DNAH14: variants seen among roughly 807,000 people sequenced by gnomAD.
DNAH14 encodes axonemal beta dynein heavy chain 14.
A neutral mutation model predicts 520.9 loss-of-function variants in DNAH14; 478 were observed. That is an observed-to-expected ratio of 0.92 (90% CI 0.85 to 0.99). The LOEUF is 0.99. Ranked by LOEUF, DNAH14 falls within the 50% of genes least tolerant of loss-of-function variation. The probability of loss-of-function intolerance (pLI) is 0.00; values close to 1 mark genes in which losing one functional copy is unlikely to be tolerated. For missense variants in DNAH14, 4,831 were observed against 5,234.5 expected (o/e 0.92, Z 2.38); for synonymous variants, 1,581 against 1,757.2 (o/e 0.90, Z 2.51).
rs528193259 is a variant in DNAH14, at chr1:225,271,813, T to C, written c.7672-93T>C. ...ATTTAATGAAATTAATCCTCCATTA[T>C]AGTACACAAGTCCGCTTTTTAGTGG... On this transcript the variant is annotated intron_variant, in intron 50 of 85. Coordinates refer to ENST00000682510, the MANE Select transcript of DNAH14 (RefSeq NM_001367479.1). 1.2e-5 allele frequency: 11 copies of C among 916,800 alleles called. No homozygotes were observed. In the African/African-American group the frequency reaches 1.9e-4, roughly 15 times the overall value. 56.8% of individuals were successfully genotyped at this position (916,800 alleles called of 1,614,324 possible). A position where few individuals can be genotyped will look rare whatever the true frequency, so the allele number is the denominator to read the frequency against.
intron 84 of DNAH14, among the ~76,000 whole-genome samples, chr1:225,393,959 C>CA (rs1357178498): frequency 2.0e-5 from 3 of 151,974 alleles, no homozygotes; most frequent in Admixed American, 6.6e-5. Flanking sequence ...GCTGGGACTA[C>CA]AGGCGCCCAC....
chr1:224,936,444 G>C (rs1380622109), intron 1 of DNAH14, among the ~76,000 whole-genome samples: 1 of 151,602 alleles, frequency 6.6e-6, no homozygotes, highest in Admixed American at 6.6e-5. Context: ...GAATAACTGT[G>C]TGCCAAAAAA....
rs1007160529 is a variant in DNAH14, at chr1:225,050,320, A to C, written c.2023A>C (p.Thr675Pro). 163 of 1,548,488 alleles carry C rather than the reference A, an allele frequency of 1.1e-4. No individual in the cohort carries two copies. Among genetic ancestry groups the C allele is most frequent in the Non-Finnish European group, 1.4e-4 (158 of 1,146,032 alleles). The change falls in exon 16 of 86, where the codon ACC becomes CCC. Residue 675 changes from threonine to proline, a missense_variant. By Grantham distance (38) the Thr-to-Pro change is conservative. Transcript: ENST00000682510. ...TGSIIHYKEQ[T>P]RWPDCHILFE... is the part of the protein sequence containing the mutation. ...AAGCATAATACATTATAAAGAGCAG[A>C]CCAGATGGCCAGATTGTCACATCCT...
chr1:224,986,386 C>T (rs943424786), intron 8 of DNAH14, among the ~76,000 whole-genome samples: 1 of 149,088 alleles, frequency 6.7e-6, no homozygotes, highest in Admixed American at 6.7e-5. Context: ...CAAAAATCCT[C>T]AACAAAGTAC....
intron 19 of DNAH14, among the ~76,000 whole-genome samples, chr1:225,081,210 C>T (rs1014860487): frequency 6.6e-6 from 1 of 152,134 alleles, no homozygotes; most frequent in Non-Finnish European, 1.5e-5. Context: ...TCTATAAGAT[C>T]AAATCCTTTC....
intron 72 of DNAH14, among the ~76,000 whole-genome samples, chr1:225,353,601 T>G (rs1432749487): frequency 2.0e-5 from 3 of 152,128 alleles, no homozygotes; most frequent in Admixed American, 6.6e-5. Context: ...TAAATCTATC[T>G]TAACATCTCC....
intron 23 of DNAH14, among the ~76,000 whole-genome samples, chr1:225,102,596 G>A (rs1455509187): frequency 1.3e-5 from 2 of 152,230 alleles, no homozygotes; most frequent in East Asian, 3.8e-4. Flanking sequence ...ACTGGTGTGA[G>A]ATGGTATCTC....
chr1:225,117,426 A>G (rs2076946579), intron 23 of DNAH14, among the ~76,000 whole-genome samples: 1 of 151,420 alleles, frequency 6.6e-6, no homozygotes, highest in African/African-American at 2.4e-5. Context: ...ATAAAATGGT[A>G]TATGTGTGTC....
intron 21 of DNAH14, among the ~76,000 whole-genome samples, chr1:225,091,060 C>G (rs1371428337): frequency 6.6e-6 from 1 of 150,844 alleles, no homozygotes; most frequent in Non-Finnish European, 1.5e-5. Flanking sequence ...AAGAGATGGG[C>G]AAAATATTAA....
At chr1:225,358,266 A>T (rs1197307218) in intron 73 of DNAH14, among the ~76,000 whole-genome samples, 2 of 152,200 alleles carry the variant, frequency 1.3e-5, no homozygotes, top group Non-Finnish European at 2.9e-5. Flanking sequence ...TGTGAAAGAC[A>T]TAGAGGCACA....
intron 1 of DNAH14, among the ~76,000 whole-genome samples, chr1:224,933,105 T>C (rs548094085): frequency 6.6e-6 from 1 of 152,180 alleles, no homozygotes; most frequent in Non-Finnish European, 1.5e-5. Context: ...TCAATTTCTT[T>C]CATTAGTGTT....
At chr1:224,970,223 T>G (rs2061423498) in intron 7 of DNAH14, among the ~76,000 whole-genome samples, 1 of 152,032 alleles carries the variant, frequency 6.6e-6, no homozygotes, top group Non-Finnish European at 1.5e-5. Context: ...AGGGATGAAA[T>G]AAGCCCCAGT....
intron 1 of DNAH14, among the ~76,000 whole-genome samples, chr1:224,935,268 A>T (rs1376236124): frequency 6.6e-6 from 1 of 151,978 alleles, no homozygotes; most frequent in Non-Finnish European, 1.5e-5. Context: ...ACATAAATGG[A>T]TTATTCACTT....
chr1:225,347,754 A>G (rs1558481907), intron 71 of DNAH14, among the ~76,000 whole-genome samples: 1 of 152,168 alleles, frequency 6.6e-6, no homozygotes, highest in East Asian at 1.9e-4. Flanking sequence ...AAAGACTGGG[A>G]AAAGTGGTCA....
rs932782802 is a variant in DNAH14, at chr1:225,002,916, T to C, written c.964T>C (p.Cys322Arg). 7.8e-6 allele frequency: 12 copies of C among 1,547,586 alleles called. No individual in the cohort carries two copies. The highest frequency in any genetic ancestry group is 5.5e-5 in the African/African-American group (4 of 72,848). ...CCATGAAAATAATCTATCTGCCATATGCCTTGTAAAGGTGAGTAGAAGTAT... is the reference window on the plus strand; with the variant it reads ...CCATGAAAATAATCTATCTGCCATACGCCTTGTAAAGGTGAGTAGAAGTAT... Reference protein sequence around the residue: ...NDHENNLSAICLVKLDSSRTY... With the variant: ...NDHENNLSAIRLVKLDSSRTY... Residue 322 changes from cysteine to arginine, a missense_variant, in exon 9 of 86, where the codon TGC becomes CGC. Cys to Arg is a radical substitution (Grantham distance 180). Transcript: ENST00000682510.
chr1:225,351,074 G>A (rs189770722), intron 71 of DNAH14, among the ~76,000 whole-genome samples: 10 of 152,296 alleles, frequency 6.6e-5, no homozygotes, highest in African/African-American at 2.4e-4. Flanking sequence ...ACAACAGTAT[G>A]AATATATTTA....
chr1:225,381,700 T>G, intron 81 of DNAH14, 121 bp downstream of exon 81: 1 of 829,690 alleles, frequency 1.2e-6, no homozygotes, highest in East Asian at 2.7e-5. Flanking sequence ...TAAAAGATGC[T>G]GACGTACTTT....
At chr1:225,224,509 T>C (rs1385345941) in intron 41 of DNAH14, among the ~76,000 whole-genome samples, 2 of 142,934 alleles carry the variant, frequency 1.4e-5, no homozygotes, top group Non-Finnish European at 3.0e-5. Context: ...GTTATGACCC[T>C]GATGTCATCA....
At chr1:225,215,671 A>T (rs957273166) in intron 41 of DNAH14, among the ~76,000 whole-genome samples, 1 of 151,758 alleles carries the variant, frequency 6.6e-6, no homozygotes, top group Admixed American at 6.6e-5. Context: ...GTCTCTTTTG[A>T]TCTTTGTTGA....
Sources: allele counts gnomAD v4.1 joint callset (sites outside exome capture counted in the v4.1 genomes callset), GRCh38; gene constraint gnomAD v4.1.1; transcripts MANE v1.5; gene names NCBI Gene and HGNC (gene_info 2026-07-23, HGNC 2026-07-21).